PTPRD: variants seen among roughly 807,000 people sequenced by gnomAD.
The protein encoded by PTPRD is receptor-type tyrosine-protein phosphatase delta.
In PTPRD, 34 loss-of-function variants were observed where a neutral mutation model predicts 214.5. The ratio of observed to expected loss-of-function variants is 0.16; its 90% CI spans 0.12 to 0.21. The LOEUF is 0.21. PTPRD is among the 10% of genes least tolerant of loss of function. PTPRD has a pLI of 1.00. For missense variants in PTPRD, 2,545 were observed against 2,398.7 expected, an observed-to-expected ratio of 1.06 and a Z score of -1.27; for synonymous variants, 1,128 against 845.7, an observed-to-expected ratio of 1.33 and a Z score of -5.79.
At chr9:8,339,411 T>G (rs964681700) in intron 42 of PTPRD, among the ~76,000 whole-genome samples, 6 of 152,052 alleles carry the variant, frequency 3.9e-5, no homozygotes, top group Non-Finnish European at 7.4e-5. Context: ...CAATAACACA[T>G]TGCACCACCA....
At chr9:9,851,099 G>A (rs1216155693) in intron 5 of PTPRD, among the ~76,000 whole-genome samples, 1 of 152,096 alleles carries the variant, frequency 6.6e-6, no homozygotes. Context: ...CTTATTTAAG[G>A]ATGAAATGAA....
At chr9:9,414,441 C>T (rs1587743947) in intron 8 of PTPRD, among the ~76,000 whole-genome samples, 2 of 152,238 alleles carry the variant, frequency 1.3e-5, no homozygotes, top group Middle Eastern at 6.8e-3. Context: ...TTATTGGCTA[C>T]AGAATATCAA....
At chr9:9,357,854 T>TG (rs2054427344) in intron 9 of PTPRD, among the ~76,000 whole-genome samples, 1 of 139,142 alleles carries the variant, frequency 7.2e-6, no homozygotes, top group East Asian at 2.3e-4. Flanking sequence ...CTTTATGTCT[T>TG]TCCTTTTTTT....
At chr9:10,195,691 A>G (rs559953836) in intron 3 of PTPRD, among the ~76,000 whole-genome samples, 43 of 152,200 alleles carry the variant, frequency 2.8e-4, no homozygotes, top group Non-Finnish European at 6.2e-4. Flanking sequence ...GCAAAGATAG[A>G]TATGGTACCA....
At chr9:9,033,668 G>T (rs1172910965) in intron 10 of PTPRD, among the ~76,000 whole-genome samples, 2 of 151,876 alleles carry the variant, frequency 1.3e-5, no homozygotes, top group East Asian at 3.9e-4. Context: ...CCTCTCTACT[G>T]CTCTCCCCTC....
chr9:9,778,859 T>A lies in PTPRD; in HGVS notation c.-367-12008A>T, dbSNP rs540875970. Among the ~76,000 whole-genome samples, 11 of 151,408 alleles carry A rather than the reference T, an allele frequency of 7.3e-5. No homozygotes were observed. The East Asian group carries it at 1.8e-3, about 24-fold the overall frequency. ...ATTGTTCACAAAATTAGAAAAAAAT[T>A]TCTAAAATTTATATGGAACCATAAA... On this transcript the variant is annotated intron_variant, in intron 5 of 45. Transcript: ENST00000381196.
intron 9 of PTPRD, among the ~76,000 whole-genome samples, chr9:9,186,370 C>T (rs966633667): frequency 6.6e-6 from 1 of 152,024 alleles, no homozygotes; most frequent in Non-Finnish European, 1.5e-5. Context: ...TGGTGGGGCA[C>T]AATCTGACCA....
chr9:8,494,095 T>C (rs1482702742), intron 26 of PTPRD, among the ~76,000 whole-genome samples: 2 of 151,966 alleles, frequency 1.3e-5, no homozygotes, highest in African/African-American at 2.4e-5. Flanking sequence ...AAATTGAATA[T>C]GGATAAATTT....
intron 9 of PTPRD, among the ~76,000 whole-genome samples, chr9:9,235,835 A>T (rs571962177): frequency 6.6e-6 from 1 of 151,742 alleles, no homozygotes; most frequent in African/African-American, 2.4e-5. Flanking sequence ...TTGCTCTTAG[A>T]TTCAGTAACT....
intron 34 of PTPRD, among the ~76,000 whole-genome samples, chr9:8,442,915 A>C (rs1019877950): frequency 6.6e-6 from 1 of 152,198 alleles, no homozygotes; most frequent in East Asian, 1.9e-4. Flanking sequence ...AAAATTCAAA[A>C]TTTTTACTTC....
chr9:10,126,422 T>TAC (rs1491020765), intron 3 of PTPRD, among the ~76,000 whole-genome samples: 1 of 47,128 alleles, frequency 2.1e-5, no homozygotes, highest in Non-Finnish European at 7.1e-5. Flanking sequence ...TACTGTTTTA[T>TAC]ATATACACAC....
At chr9:10,410,198 G>T (rs1421379632) in intron 2 of PTPRD, among the ~76,000 whole-genome samples, 1 of 145,382 alleles carries the variant, frequency 6.9e-6, no homozygotes, top group East Asian at 2.1e-4. Flanking sequence ...CTTTTCTAAA[G>T]ACTTTCATTA....
At chr9:9,794,523 G>A (rs1469957849) in intron 5 of PTPRD, among the ~76,000 whole-genome samples, 1 of 151,986 alleles carries the variant, frequency 6.6e-6, no homozygotes, top group Non-Finnish European at 1.5e-5. Context: ...CAAAAATAGA[G>A]AGGTAAGTGA....
rs2097729320 is a variant in PTPRD, at chr9:9,711,514, CTACT to C, written c.-287+23015_-287+23018del. ...CCTAATAATAATAATTATAATTAGACTACTTAATATCTTGTTTTAATGATAAATT... is the reference window on the plus strand; with the variant it reads ...CCTAATAATAATAATTATAATTAGACTAATATCTTGTTTTAATGATAAATT... On this transcript the variant is annotated intron_variant, in intron 7 of 45. Coordinates refer to ENST00000381196, the MANE Select transcript of PTPRD (RefSeq NM_002839.4). Among the ~76,000 whole-genome samples the C allele has an allele frequency of 2.0e-5, 3 of 152,104 alleles. No individual in the cohort carries two copies. In the South Asian group the frequency reaches 6.2e-4, roughly 32 times the overall value.
intron 7 of PTPRD, among the ~76,000 whole-genome samples, chr9:9,575,841 G>A (rs1398319342): frequency 6.6e-6 from 1 of 150,846 alleles, no homozygotes; most frequent in African/African-American, 2.4e-5. Flanking sequence ...TTGGTGCAGT[G>A]GTAACTTTAT....
At position 9,794,189 on chromosome 9, in the gene PTPRD, A is replaced by ATGTG. The variant is rs535365083; in HGVS notation, c.-367-27342_-367-27339dup. ...TATATATATACATGTATATATACAT[A>ATGTG]TGTGTGTGTGTGTATATATATATAT... On this transcript the variant is annotated intron_variant, in intron 5 of 45. Coordinates refer to ENST00000381196, the MANE Select transcript of PTPRD (RefSeq NM_002839.4). Among the ~76,000 whole-genome samples the ATGTG allele has an allele frequency of 5.4e-3, 784 of 146,410 alleles. 8 individuals carry two copies. The highest frequency in any genetic ancestry group is 0.019 in the African/African-American group (736 of 38,676).
At chr9:8,908,539 G>T (rs919303498) in intron 11 of PTPRD, among the ~76,000 whole-genome samples, 1 of 152,068 alleles carries the variant, frequency 6.6e-6, no homozygotes, top group Admixed American at 6.5e-5. Context: ...AAAATACTTT[G>T]AACTGAATGA....
At chr9:9,482,271 G>C (rs1335510661) in intron 8 of PTPRD, among the ~76,000 whole-genome samples, 2 of 152,134 alleles carry the variant, frequency 1.3e-5, no homozygotes, top group African/African-American at 4.8e-5. Context: ...AAGTAAACCA[G>C]TTCAGTGAAA....
chr9:8,640,312 G>A (rs1298843193), intron 12 of PTPRD, among the ~76,000 whole-genome samples: 1 of 151,998 alleles, frequency 6.6e-6, no homozygotes, highest in Non-Finnish European at 1.5e-5. Context: ...TCACGCCACT[G>A]CACTACAACC....
Sources: allele counts gnomAD v4.1 joint callset (sites outside exome capture counted in the v4.1 genomes callset), GRCh38; gene constraint gnomAD v4.1.1; transcripts MANE v1.5; gene names NCBI Gene and HGNC (gene_info 2026-07-23, HGNC 2026-07-21).